THSD7B: variants seen among roughly 807,000 people sequenced by gnomAD.
THSD7B encodes the protein thrombospondin type-1 domain-containing protein 7B.
Under a neutral mutation model 213.6 loss-of-function variants are expected in THSD7B, and 138 were observed. The ratio of observed to expected loss-of-function variants is 0.65; its 90% CI spans 0.56 to 0.74. The LOEUF is 0.74. Among genes scored for constraint, THSD7B ranks in the 30% least tolerant of loss-of-function variants. THSD7B has a pLI of 0.00. For synonymous variants in THSD7B, 742 were observed against 687.0 expected (o/e 1.08, Z -1.25); for missense variants, 1,931 against 1,991.5 (o/e 0.97, Z 0.58).
chr2:137,643,842 C>A (rs74351601), intron 21 of THSD7B, among the ~76,000 whole-genome samples: 1 of 152,216 alleles, frequency 6.6e-6, no homozygotes, highest in East Asian at 1.9e-4. Context: ...TGTCCACACT[C>A]CAAGTTTTAC....
intron 2 of THSD7B, among the ~76,000 whole-genome samples, chr2:136,956,973 C>T (rs1685137514): frequency 6.6e-6 from 1 of 152,088 alleles, no homozygotes; most frequent in African/African-American, 2.4e-5. Context: ...CCACCGTGTC[C>T]AGCCCCCATA....
chr2:136,786,558 T>A (rs1186037895), intron 1 of THSD7B, among the ~76,000 whole-genome samples: 2 of 152,300 alleles, frequency 1.3e-5, no homozygotes, highest in Admixed American at 1.3e-4. Context: ...CTTGTTTCTC[T>A]TGTATTTATT....
chr2:137,204,709 T>A (rs1680946502), intron 7 of THSD7B, among the ~76,000 whole-genome samples: 1 of 152,130 alleles, frequency 6.6e-6, no homozygotes, highest in Non-Finnish European at 1.5e-5. Context: ...GCTGGCTTAT[T>A]GCCTACATGA....
At chr2:137,314,070 G>C (rs1558754131) in intron 12 of THSD7B, among the ~76,000 whole-genome samples, 1 of 152,146 alleles carries the variant, frequency 6.6e-6, no homozygotes, top group Non-Finnish European at 1.5e-5. Flanking sequence ...CTAGATTGGG[G>C]AAGTTCTCCT....
chr2:137,275,165 G>A (rs1326248956), intron 11 of THSD7B, among the ~76,000 whole-genome samples: 2 of 152,036 alleles, frequency 1.3e-5, no homozygotes, highest in African/African-American at 4.8e-5. Flanking sequence ...ACCTGAGAAA[G>A]AAAAGCCAGT....
intron 6 of THSD7B, among the ~76,000 whole-genome samples, chr2:137,164,660 G>T (rs1573862340): frequency 6.6e-6 from 1 of 152,186 alleles, no homozygotes; most frequent in Admixed American, 6.5e-5. Context: ...ACTGGATTAA[G>T]AAAATGGGGC....
intron 12 of THSD7B, among the ~76,000 whole-genome samples, chr2:137,373,311 C>G (rs1023562888): frequency 6.6e-6 from 1 of 152,224 alleles, no homozygotes; most frequent in Non-Finnish European, 1.5e-5. Context: ...TACAGTCCCA[C>G]CAACAGTGTA....
At chr2:137,100,037 C>T (rs1397453480) in intron 4 of THSD7B, among the ~76,000 whole-genome samples, 1 of 152,052 alleles carries the variant, frequency 6.6e-6, no homozygotes, top group African/African-American at 2.4e-5. Context: ...TGAAACAAAC[C>T]CCTGAGACCA....
rs1178955892 is a variant in THSD7B, at chr2:137,572,437, G to A, written c.3304G>A (p.Ala1102Thr). The A allele has an allele frequency of 1.2e-6, 2 of 1,613,812 alleles. No homozygotes were observed. The highest frequency in any genetic ancestry group is 1.7e-5 in the Admixed American group (1 of 59,994). The change falls in exon 17 of 28, where the codon GCA becomes ACA. Residue 1102 changes from alanine to threonine, a missense_variant. Physicochemically the swap from Ala to Thr is moderately conservative, Grantham distance 58 (BLOSUM62 0). Coordinates refer to ENST00000409968, the MANE Select transcript of THSD7B (RefSeq NM_001316349.2). Reference protein sequence around the residue: ...CVNTADGEGGAVDSNLCNQDE... With the variant: ...CVNTADGEGGTVDSNLCNQDE... ...GAATACTGCGGATGGTGAAGGTGGAGCAGTGGATAGCAACCTGTGCAACCA... is the reference window on the plus strand; with the variant it reads ...GAATACTGCGGATGGTGAAGGTGGAACAGTGGATAGCAACCTGTGCAACCA...
Position 137,598,599 on chromosome 2 carries a change from A to G in THSD7B, c.3424-17576A>G, listed in dbSNP as rs193055242. Among the ~76,000 whole-genome samples, 9 of 152,358 alleles carry G rather than the reference A, an allele frequency of 5.9e-5. No individual in the cohort carries two copies. In the East Asian group the frequency reaches 1.5e-3, roughly 26 times the overall value. ...ATGCATTCACTTTAGTTTAAGGGTTACACGTTTCCCTATAAATGGCTTGTT... is the reference window on the plus strand; with the variant it reads ...ATGCATTCACTTTAGTTTAAGGGTTGCACGTTTCCCTATAAATGGCTTGTT... On this transcript the variant is annotated intron_variant, in intron 17 of 27. Transcript: ENST00000409968.
chr2:137,218,816 T>G (rs1223610951), intron 7 of THSD7B, among the ~76,000 whole-genome samples: 3 of 152,108 alleles, frequency 2.0e-5, no homozygotes, highest in Non-Finnish European at 4.4e-5. Flanking sequence ...AGATCTTATT[T>G]TTTACAGCTG....
intron 15 of THSD7B, among the ~76,000 whole-genome samples, chr2:137,482,771 G>A (rs756258426): frequency 1.3e-5 from 2 of 151,568 alleles, no homozygotes. Context: ...CAGAACCACC[G>A]TTTCTACCCT....
chr2:136,788,345 A>G (rs1427572757), intron 1 of THSD7B, among the ~76,000 whole-genome samples: 1 of 152,218 alleles, frequency 6.6e-6, no homozygotes, highest in African/African-American at 2.4e-5. Flanking sequence ...TGTTGGAACA[A>G]TTAACTGAAA....
At chr2:137,420,061 T>TAACA (rs1686889871) in intron 14 of THSD7B, among the ~76,000 whole-genome samples, 1 of 152,130 alleles carries the variant, frequency 6.6e-6, no homozygotes, top group South Asian at 2.1e-4. Context: ...ACATTCCCAC[T>TAACA]AACAGTGTAC....
At chr2:137,530,776 A>G (rs1304412810) in intron 15 of THSD7B, among the ~76,000 whole-genome samples, 1 of 152,006 alleles carries the variant, frequency 6.6e-6, no homozygotes, top group Non-Finnish European at 1.5e-5. Flanking sequence ...AAAGTGGACT[A>G]AAGCATATGC....
At chr2:137,258,602 G>A (rs985191341) in intron 10 of THSD7B, among the ~76,000 whole-genome samples, 10 of 148,882 alleles carry the variant, frequency 6.7e-5, no homozygotes, top group East Asian at 5.9e-4. Context: ...GCCACCACTC[G>A]CCCTGCCCCC....
At chr2:137,471,173 G>A (rs566070195) in intron 15 of THSD7B, among the ~76,000 whole-genome samples, 103 of 151,866 alleles carry the variant, frequency 6.8e-4, no homozygotes, top group Middle Eastern at 3.4e-3. Context: ...CACCAGCCTC[G>A]GCCCCCCAAA....
chr2:137,356,535 C>G (rs1250578078), intron 12 of THSD7B, among the ~76,000 whole-genome samples: 1 of 152,144 alleles, frequency 6.6e-6, no homozygotes, highest in African/African-American at 2.4e-5. Flanking sequence ...GATGTAGTCC[C>G]CTCCAACACT....
intron 1 of THSD7B, among the ~76,000 whole-genome samples, chr2:136,841,611 AAG>A (rs1491439508): frequency 2.0e-5 from 3 of 151,136 alleles, no homozygotes; most frequent in African/African-American, 2.4e-5. Flanking sequence ...AAAAAAAAAA[AAG>A]AGGAAAAGAA....
Sources: gnomAD v4.1 joint callset for allele counts (sites outside exome capture counted in the v4.1 genomes callset) on GRCh38, gnomAD v4.1.1 for gene constraint, MANE v1.5 for transcripts, NCBI Gene and HGNC (gene_info 2026-07-23, HGNC 2026-07-21) for gene names.